CENPE: variants seen among roughly 807,000 people sequenced by gnomAD.
CENPE encodes the protein centromere protein E, also known as centromere-associated protein E.
CENPE carries 145 observed loss-of-function variants against 336.1 expected under a neutral mutation model. The ratio of observed to expected loss-of-function variants is 0.43; its 90% CI spans 0.38 to 0.50. The LOEUF (loss-of-function observed/expected upper bound fraction) is 0.50. Among genes scored for constraint, CENPE ranks in the 20% least tolerant of loss-of-function variants. The probability of loss-of-function intolerance (pLI) is 0.00; values close to 1 mark genes in which losing one functional copy is unlikely to be tolerated. For missense variants in CENPE, 2,719 were observed against 3,023.3 expected, an observed-to-expected ratio of 0.90 and a Z score of 2.36; for synonymous variants, 1,013 against 984.8, an observed-to-expected ratio of 1.03 and a Z score of -0.54.
In CENPE at chr4:103,183,266, A is replaced by G. The variant is rs767704334; in HGVS notation, c.768T>C (p.Cys256=). Residue 256 remains cysteine (C), a synonymous_variant, in exon 10 of 49, where the codon TGT becomes TGC. Transcript: ENST00000265148. Reference sequence around the variant, plus strand: ...AAATAAATAAGCTTCGATTTATATTACAGCCTTCCTTGAGCCGCACACCTG... The same window carrying G: ...AAATAAATAAGCTTCGATTTATATTGCAGCCTTCCTTGAGCCGCACACCTG... ...GAAGVRLKEG[C]NINRSLFILG... is the part of the protein sequence containing the mutation. 5 of 1,613,098 alleles carry G rather than the reference A, an allele frequency of 3.1e-6. No homozygotes were observed. The highest frequency in any genetic ancestry group is 4.2e-6 in the Non-Finnish European group (5 of 1,179,502).
rs1328131577 is a variant in CENPE, at chr4:103,145,996, G to A, written c.4246C>T (p.Leu1416=). 6.2e-7 allele frequency: 1 copy of A among 1,613,932 alleles called. No individual in the cohort carries two copies. The highest frequency in any genetic ancestry group is 2.2e-5 in the East Asian group (1 of 44,824). Residue 1416 remains leucine (L), a synonymous_variant, in exon 30 of 49, where the codon CTA becomes TTA. Transcript: ENST00000265148. ...AGCATTTCTATTTCTATCCTTAGTAGTGCTGAATCTTTGGGTTTGAATTGC... is the reference window on the plus strand; with the variant it reads ...AGCATTTCTATTTCTATCCTTAGTAATGCTGAATCTTTGGGTTTGAATTGC... ...MEQFKPKDSA[L]LRIEIEMLGL...
intron 29 of CENPE, 127 bp downstream of exon 29, chr4:103,147,229 T>A: frequency 1.3e-6 from 1 of 758,714 alleles, no homozygotes; most frequent in South Asian, 2.1e-5. Flanking sequence ...TCTAGTCATT[T>A]CATGATTAAG....
rs1208597950 is a variant in CENPE at position 103,144,494 on chromosome 4, T to C, written c.4982A>G (p.Glu1661Gly). Reference protein sequence around the residue: ...EQFETQKLNLENIETENIRLT... With the variant: ...EQFETQKLNLGNIETENIRLT... ...CCTTATATTCTCCGTTTCTATGTTT[T>C]CCAGGTTTAACTTCTGGGTCTCAAA... is the stretch of plus-strand genomic sequence containing the variant. Residue 1661 changes from glutamate (E) to glycine (G), a missense_variant, in exon 33 of 49, where the codon GAA becomes GGA. Glu to Gly is a moderately conservative substitution (Grantham distance 98). Around this residue, in one of 5 missense-constraint regions of CENPE, gnomAD observed 2,437 missense variants for 2,513.3 expected, o/e 0.97. Transcript: ENST00000265148. 1 of 1,614,170 alleles carries C rather than the reference T, an allele frequency of 6.2e-7. No homozygotes were observed.
chr4:103,158,555 C>T, intron 23 of CENPE, 59 bp downstream of exon 23: 3 of 1,521,560 alleles, frequency 2.0e-6, no homozygotes, highest in Middle Eastern at 1.8e-4. Context: ...TAAATGATGG[C>T]CTCTGCAATG....
chr4:103,163,437 T>A lies in CENPE; in HGVS notation c.1722+42A>T, dbSNP rs577896737. On this transcript the variant is annotated intron_variant, in intron 17 of 48. Transcript: ENST00000265148. Reference sequence around the variant, plus strand: ...GTTACATATGTTGCATGTTTTATAGTTCTAATTGCTTATCAATAGAAATAC... The same window carrying A: ...GTTACATATGTTGCATGTTTTATAGATCTAATTGCTTATCAATAGAAATAC... The A allele has an allele frequency of 6.4e-6, 9 of 1,403,968 alleles. No homozygotes were observed. In the South Asian group the frequency reaches 1.1e-4, roughly 17 times the overall value. The allele number at this position is 1,403,968 out of a possible 1,614,324, so 87.0% of individuals were successfully genotyped here.
intron 44 of CENPE, among the ~76,000 whole-genome samples, chr4:103,118,025 A>G (rs764528587): frequency 6.6e-6 from 1 of 152,190 alleles, no homozygotes; most frequent in Non-Finnish European, 1.5e-5. Context: ...TTATGAACAC[A>G]GCTGCTATTA....
chr4:103,109,166 TTAAAAA>T, intron 47 of CENPE, 77 bp from the exon 48 acceptor site: 2 of 1,140,942 alleles, frequency 1.8e-6, no homozygotes, highest in South Asian at 3.9e-5. Flanking sequence ...TATTTAAAAA[TTAAAAA>T]TAAATTGTGA....
chr4:103,135,076 T>C (rs1751951163), intron 40 of CENPE, among the ~76,000 whole-genome samples: 1 of 152,232 alleles, frequency 6.6e-6, no homozygotes, highest in African/African-American at 2.4e-5. Flanking sequence ...TCTTTGACTT[T>C]TCCAACCTTG....
chr4:103,198,332 A>T lies in CENPE; in HGVS notation c.-13T>A. 6.4e-7 allele frequency: 1 copy of T among 1,551,286 alleles called. No individual in the cohort carries two copies. The highest frequency in any genetic ancestry group is 1.2e-5 in the South Asian group (1 of 84,056). On this transcript the variant is annotated 5_prime_UTR_variant, in exon 1 of 49. Transcript: ENST00000265148. ...CTTCCTCCGCCATCCTATCAGGCTGAACTGGTCCCAGGAAAATGGCCAGGA... is the reference window on the plus strand; with the variant it reads ...CTTCCTCCGCCATCCTATCAGGCTGTACTGGTCCCAGGAAAATGGCCAGGA...
chr4:103,151,748 C>A (rs1184178903), intron 25 of CENPE, among the ~76,000 whole-genome samples: 1 of 152,134 alleles, frequency 6.6e-6, no homozygotes, highest in Non-Finnish European at 1.5e-5. Context: ...TTGGTTTTAG[C>A]ACAGATCACT....
Position 103,136,177 on chromosome 4 carries a change from G to C in CENPE, c.6486C>G (p.Cys2162Trp). 8.7e-6 allele frequency: 14 copies of C among 1,613,808 alleles called. No individual in the cohort carries two copies. Among genetic ancestry groups the C allele is most frequent in the Non-Finnish European group, 1.2e-5 (14 of 1,179,812 alleles). The change falls in exon 40 of 49, where the codon TGC (cysteine) becomes TGG (tryptophan). Residue 2162 changes from cysteine (C) to tryptophan (W), a missense_variant. Cys to Trp is a radical substitution (Grantham distance 215). This residue lies in a region of CENPE where 2,437 missense variants were observed against 2,513.3 expected (regional missense o/e 0.97). Transcript: ENST00000265148. ...IEKLFTANQR[C>W]SMEFHRIMKK... ...TCATGATTCTGTGGAATTCCATGGA[G>C]CATCTCTGGTTTGCAGTAAAAAGTT...
At chr4:103,134,159 A>G (rs748495231) in intron 40 of CENPE, among the ~76,000 whole-genome samples, 1 of 152,144 alleles carries the variant, frequency 6.6e-6, no homozygotes, top group African/African-American at 2.4e-5. Context: ...TTCAAATTCA[A>G]CATGTTTAAA....
Position 103,178,641 on chromosome 4 carries a change from CTG to C in CENPE, c.1243-1597_1243-1596del, listed in dbSNP as rs1756080492. On this transcript the variant is annotated intron_variant, in intron 13 of 48. Coordinates refer to ENST00000265148, the MANE Select transcript of CENPE (RefSeq NM_001813.3). ...CTTAAATTACTTTTGCAAATGAGCT[CTG>C]TGTTTCTAAATGCAAATAATTTTTG... Among the ~76,000 whole-genome samples the C allele has an allele frequency of 2.6e-5, 4 of 152,288 alleles. No individual in the cohort carries two copies. The East Asian group carries it at 5.8e-4, about 22-fold the overall frequency.
In CENPE at chr4:103,139,978, T is replaced by C. The variant is rs1752396488; in HGVS notation, c.6015A>G (p.Gln2005=). 6 of 1,613,240 alleles carry C rather than the reference T, an allele frequency of 3.7e-6. No individual in the cohort carries two copies. The highest frequency in any genetic ancestry group is 5.1e-6 in the Non-Finnish European group (6 of 1,179,646). Residue 2005 remains glutamine, a synonymous_variant, in exon 38 of 49, where the codon CAA becomes CAG. Coordinates refer to ENST00000265148, the MANE Select transcript of CENPE (RefSeq NM_001813.3). ...GCATAGATAAGTTTTGGGCCTCAAA[T>C]TGCTTCTTCAACTGTTCCATTTCAT... The part of the protein sequence containing the change: ...KINEMEQLKK[Q]FEAQNLSMQS...
intron 16 of CENPE, among the ~76,000 whole-genome samples, chr4:103,172,189 G>A (rs565944461): frequency 4.0e-5 from 6 of 151,830 alleles, no homozygotes; most frequent in Non-Finnish European, 7.4e-5. Context: ...CTGAAGAACA[G>A]ACAGAAAAAC....
chr4:103,140,032 T>C lies in CENPE; in HGVS notation c.5961A>G (p.Glu1987=), dbSNP rs755866275. Residue 1987 remains glutamate, a synonymous_variant, in exon 38 of 49, where the codon GAA becomes GAG. Coordinates refer to ENST00000265148, the MANE Select transcript of CENPE (RefSeq NM_001813.3). ...TTTTTTTATGACTCATATTGACATC[T>C]TCTTTCACTCTAAGCAGTTGAAGTT... ...KKELQLLRVK[E]DVNMSHKKIN... The C allele has an allele frequency of 1.9e-6, 3 of 1,612,166 alleles. No individual in the cohort carries two copies. The highest frequency in any genetic ancestry group is 2.5e-6 in the Non-Finnish European group (3 of 1,179,010).
At chr4:103,192,895 G>C (rs1046383922) in intron 8 of CENPE, among the ~76,000 whole-genome samples, 2 of 151,726 alleles carry the variant, frequency 1.3e-5, no homozygotes, top group Non-Finnish European at 2.9e-5. Context: ...AGTAAGAAAC[G>C]TCACAGAATA....
At chr4:103,168,831 T>C (rs1022603329) in intron 16 of CENPE, among the ~76,000 whole-genome samples, 4 of 152,196 alleles carry the variant, frequency 2.6e-5, no homozygotes, top group East Asian at 1.9e-4. Context: ...AGTCATACTA[T>C]AGATCTTGAA....
intron 8 of CENPE, among the ~76,000 whole-genome samples, chr4:103,192,383 A>G (rs1042000101): frequency 2.6e-5 from 4 of 152,224 alleles, no homozygotes; most frequent in African/African-American, 9.6e-5. Context: ...AGAAGGAAAT[A>G]AAGTTAGATT....
Sources: allele counts gnomAD v4.1 joint callset (sites outside exome capture counted in the v4.1 genomes callset), GRCh38; gene constraint gnomAD v4.1.1; regional missense constraint gnomAD v4.1.1; transcripts MANE v1.5; gene names NCBI Gene and HGNC (gene_info 2026-07-23, HGNC 2026-07-21).